The following DNAH8 variants were observed in gnomAD, a reference collection of about 807,000 sequenced individuals.
DNAH8 encodes the protein axonemal beta dynein heavy chain 8.
DNAH8 carries 382 observed loss-of-function variants against 562.1 expected under a neutral mutation model. The observed-to-expected ratio is 0.68, with a 90% CI of 0.63 to 0.74. The LOEUF is 0.74. Ranked by LOEUF, DNAH8 falls within the 30% of genes least tolerant of loss-of-function variation. The probability of loss-of-function intolerance (pLI) is 0.00; values close to 1 mark genes in which losing one functional copy is unlikely to be tolerated. For missense variants in DNAH8, 5,203 were observed against 5,620.4 expected, an observed-to-expected ratio of 0.93 and a Z score of 2.37; for synonymous variants, 1,881 against 1,919.4, an observed-to-expected ratio of 0.98 and a Z score of 0.52.
At chr6:39,025,190 C>G (rs1767192748) in intron 91 of DNAH8, among the ~76,000 whole-genome samples, 1 of 152,182 alleles carries the variant, frequency 6.6e-6, no homozygotes, top group Non-Finnish European at 1.5e-5. Flanking sequence ...TGGAATTGCC[C>G]CATCTGGCAA....
At chr6:38,754,225 T>C (rs147989037) in intron 9 of DNAH8, among the ~76,000 whole-genome samples, 223 of 152,252 alleles carry the variant, frequency 1.5e-3, no homozygotes, top group African/African-American at 4.6e-3. Flanking sequence ...TAAATAATGA[T>C]GTTTAAAGTT....
chr6:38,893,534 A>C (rs1779480101), intron 58 of DNAH8, among the ~76,000 whole-genome samples: 1 of 152,114 alleles, frequency 6.6e-6, no homozygotes, highest in Non-Finnish European at 1.5e-5. Context: ...ACATAACCTT[A>C]CCGCTTTGAG....
At chr6:38,910,953 C>T (rs1780844280) in intron 65 of DNAH8, among the ~76,000 whole-genome samples, 1 of 152,114 alleles carries the variant, frequency 6.6e-6, no homozygotes, top group African/African-American at 2.4e-5. Flanking sequence ...AGTGTGGTTG[C>T]CTTGATTTCA....
chr6:38,743,278 C>T (rs1781720), intron 8 of DNAH8, among the ~76,000 whole-genome samples: 9,586 of 152,168 alleles, frequency 0.063, 340 homozygotes, highest in South Asian at 0.11. Flanking sequence ...GCTGGGATTA[C>T]AGGTGTAAGT....
chr6:38,984,490 A>ACACG (rs1476705279), intron 87 of DNAH8, 183 bp downstream of exon 87: 2 of 561,914 alleles, frequency 3.6e-6, no homozygotes, highest in South Asian at 2.1e-5. Flanking sequence ...ACACACACAC[A>ACACG]CACACAACAA....
chr6:38,893,029 C>T (rs868211313), intron 58 of DNAH8, among the ~76,000 whole-genome samples: 6 of 152,226 alleles, frequency 3.9e-5, no homozygotes, highest in Middle Eastern at 3.4e-3. Context: ...TCATTATTTG[C>T]ATATTTACAT....
intron 74 of DNAH8, 75 bp from the exon 75 acceptor site, chr6:38,929,436 C>T (rs1208130776): frequency 2.2e-6 from 3 of 1,389,776 alleles, no homozygotes; most frequent in Admixed American, 5.0e-5. Flanking sequence ...ACCTGTCCAA[C>T]AAATCTCTCG....
intron 11 of DNAH8, among the ~76,000 whole-genome samples, chr6:38,767,821 G>A (rs1323689850): frequency 6.6e-6 from 1 of 152,152 alleles, no homozygotes; most frequent in Non-Finnish European, 1.5e-5. Context: ...TCCTAGAAGG[G>A]AAATTGTTGG....
At chr6:38,743,661 C>A (rs1211186451) in intron 8 of DNAH8, among the ~76,000 whole-genome samples, 1 of 152,134 alleles carries the variant, frequency 6.6e-6, no homozygotes, top group African/African-American at 2.4e-5. Context: ...TTTCACTTAG[C>A]ATAATGTTTT....
At chr6:38,730,871 G>C (rs1763612630) in intron 4 of DNAH8, among the ~76,000 whole-genome samples, 1 of 151,896 alleles carries the variant, frequency 6.6e-6, no homozygotes, top group Non-Finnish European at 1.5e-5. Context: ...TCCTCACCTG[G>C]CTTTTTCAGA....
At chr6:38,739,854 T>A (rs576095386) in intron 7 of DNAH8, among the ~76,000 whole-genome samples, 143 of 152,320 alleles carry the variant, frequency 9.4e-4, no homozygotes, top group African/African-American at 3.2e-3. Context: ...TTTTTAACAT[T>A]TAGGTGTTTA....
At chr6:38,814,155 A>G (rs1738221) in intron 25 of DNAH8, 26 bp downstream of exon 25, 1 of 1,290,100 alleles carries the variant, frequency 7.8e-7, no homozygotes. Flanking sequence ...TACACTGATA[A>G]TTTGATAAGG....
At chr6:38,776,197 G>C (rs1397943336) in intron 13 of DNAH8, among the ~76,000 whole-genome samples, 3 of 151,250 alleles carry the variant, frequency 2.0e-5, no homozygotes, top group African/African-American at 7.3e-5. Context: ...GAAGCCCAAA[G>C]GGCTTTTATA....
intron 3 of DNAH8, among the ~76,000 whole-genome samples, chr6:38,725,722 T>G (rs1439979133): frequency 6.6e-6 from 1 of 152,220 alleles, no homozygotes; most frequent in Non-Finnish European, 1.5e-5. Flanking sequence ...CAGAGGCCCC[T>G]GTGCTTAGAA....
At chr6:38,992,123 G>A (rs1314819294) in intron 88 of DNAH8, among the ~76,000 whole-genome samples, 2 of 152,014 alleles carry the variant, frequency 1.3e-5, no homozygotes, top group African/African-American at 2.4e-5. Flanking sequence ...GCACCACCAC[G>A]CCTGGCTAAT....
At chr6:38,728,278 CT>C (rs1289531023) in intron 3 of DNAH8, among the ~76,000 whole-genome samples, 1 of 145,954 alleles carries the variant, frequency 6.9e-6, no homozygotes, top group Non-Finnish European at 1.6e-5. Flanking sequence ...TACTTAAAGT[CT>C]TTTTACCTTA....
chr6:38,786,808 G>T lies in DNAH8; in HGVS notation c.2439G>T (p.Lys813Asn). 1 of 1,612,552 alleles carries T rather than the reference G, an allele frequency of 6.2e-7. No homozygotes were observed. Among genetic ancestry groups the T allele is most frequent in the Non-Finnish European group, 8.5e-7 (1 of 1,179,536 alleles). ...TTGTGCGACATCCAGAAACAGGGAAGTTGCTGGTTAATTTCGATCCCAAAA... is the reference window on the plus strand; with the variant it reads ...TTGTGCGACATCCAGAAACAGGGAATTTGCTGGTTAATTTCGATCCCAAAA... ...TLFVRHPETG[K>N]LLVNFDPKIL... The change falls in exon 18 of 93, where the codon AAG becomes AAT. Residue 813 changes from lysine to asparagine, a missense_variant. Around this residue, in one of 6 missense-constraint regions of DNAH8, gnomAD observed 2,176 missense variants for 2,365.1 expected, o/e 0.92. Coordinates refer to ENST00000327475, the MANE Select transcript of DNAH8 (RefSeq NM_001206927.2).
At chr6:38,865,236 A>C (rs1776947759) in intron 45 of DNAH8, among the ~76,000 whole-genome samples, 1 of 152,264 alleles carries the variant, frequency 6.6e-6, no homozygotes, top group Non-Finnish European at 1.5e-5. Flanking sequence ...AAATTATAGG[A>C]AGCAAAATCA....
chr6:38,830,498 G>A (rs1773737384), intron 30 of DNAH8, among the ~76,000 whole-genome samples: 1 of 151,958 alleles, frequency 6.6e-6, no homozygotes, highest in African/African-American at 2.4e-5. Context: ...AGCCAGGCAT[G>A]GTGGCAGGCA....
Sources: allele counts gnomAD v4.1 joint callset (sites outside exome capture counted in the v4.1 genomes callset), GRCh38; gene constraint gnomAD v4.1.1; regional missense constraint gnomAD v4.1.1; transcripts MANE v1.5; gene names NCBI Gene and HGNC (gene_info 2026-07-23, HGNC 2026-07-21).